The following FAT3 variants were observed in gnomAD, a reference collection of about 807,000 sequenced individuals.
FAT3 encodes protocadherin Fat 3.
FAT3 carries 95 observed loss-of-function variants against 310.2 expected under a neutral mutation model. The observed-to-expected ratio is 0.31, with a 90% CI of 0.26 to 0.36. FAT3 has a LOEUF of 0.36. Ranked by LOEUF, FAT3 falls within the 10% of genes least tolerant of loss-of-function variation. FAT3 has a pLI of 1.00. For synonymous variants in FAT3, 2,314 were observed against 2,192.9 expected (o/e 1.06, Z -1.54); for missense variants, 5,408 against 5,715.6 (o/e 0.95, Z 1.74).
At chr11:92,470,843 T>C (rs1951885407) in intron 2 of FAT3, among the ~76,000 whole-genome samples, 1 of 152,228 alleles carries the variant, frequency 6.6e-6, no homozygotes. Flanking sequence ...TCCCATTATT[T>C]TTATATGACG....
chr11:92,525,105 G>A (rs921054250), intron 3 of FAT3, among the ~76,000 whole-genome samples, 157 bp downstream of exon 3: 2 of 152,172 alleles, frequency 1.3e-5, no homozygotes, highest in Admixed American at 1.3e-4. Flanking sequence ...TTCTGCCTAT[G>A]TGGTATGTTT....
chr11:92,806,085 TC>T, intron 11 of FAT3, among the ~76,000 whole-genome samples: 1 of 152,312 alleles, frequency 6.6e-6, no homozygotes, highest in East Asian at 1.9e-4. Context: ...GTGGGGATGT[TC>T]CTCTGTTTTC....
intron 1 of FAT3, among the ~76,000 whole-genome samples, chr11:92,255,538 C>T (rs1013605330): frequency 2.6e-5 from 4 of 151,948 alleles, no homozygotes; most frequent in African/African-American, 7.3e-5. Context: ...TACATTTTCA[C>T]CAGTGGAGAG....
intron 3 of FAT3, among the ~76,000 whole-genome samples, chr11:92,694,044 C>T (rs1463140007): frequency 6.6e-6 from 1 of 152,170 alleles, no homozygotes; most frequent in African/African-American, 2.4e-5. Context: ...ATTTTTCTAA[C>T]AGCTTTATTA....
chr11:92,879,983 A>G (rs532452988), intron 22 of FAT3, among the ~76,000 whole-genome samples: 1 of 152,148 alleles, frequency 6.6e-6, no homozygotes, highest in African/African-American at 2.4e-5. Flanking sequence ...GGAAGAAAGA[A>G]CACCCTTACT....
intron 4 of FAT3, among the ~76,000 whole-genome samples, chr11:92,749,877 A>T (rs1045766244): frequency 6.6e-6 from 1 of 152,256 alleles, no homozygotes; most frequent in Non-Finnish European, 1.5e-5. Context: ...TTTTAAATCA[A>T]TCAGATCCAA....
intron 4 of FAT3, among the ~76,000 whole-genome samples, chr11:92,727,847 C>A (rs1002321061): frequency 2.6e-5 from 4 of 152,238 alleles, no homozygotes; most frequent in African/African-American, 9.6e-5. Context: ...CAGCTTGCAA[C>A]CCCCGTTGCC....
intron 4 of FAT3, among the ~76,000 whole-genome samples, chr11:92,710,337 T>C (rs1174655170): frequency 6.6e-6 from 1 of 152,172 alleles, no homozygotes; most frequent in Non-Finnish European, 1.5e-5. Flanking sequence ...ATGACTGAGA[T>C]TTTCTCTTCA....
intron 3 of FAT3, among the ~76,000 whole-genome samples, chr11:92,570,355 A>C (rs1955629192): frequency 1.3e-5 from 2 of 152,196 alleles, no homozygotes; most frequent in Non-Finnish European, 2.9e-5. Flanking sequence ...TTCTCATCAA[A>C]TGTCCAATGA....
At chr11:92,558,024 A>G (rs1955083261) in intron 3 of FAT3, among the ~76,000 whole-genome samples, 1 of 152,140 alleles carries the variant, frequency 6.6e-6, no homozygotes, top group Admixed American at 6.5e-5. Context: ...TATCACATTC[A>G]GGCATTTGCT....
intron 2 of FAT3, among the ~76,000 whole-genome samples, chr11:92,439,095 A>G (rs10830914): frequency 0.08 from 12,230 of 152,326 alleles, 710 homozygotes; most frequent in African/African-American, 0.16. Context: ...TTGCAAAAGC[A>G]TCAAGAATTT....
At chr11:92,547,456 G>A (rs1289449318) in intron 3 of FAT3, among the ~76,000 whole-genome samples, 1 of 152,174 alleles carries the variant, frequency 6.6e-6, no homozygotes, top group African/African-American at 2.4e-5. Flanking sequence ...TACGGCAAGT[G>A]TAAAACTGTA....
chr11:92,645,021 C>T (rs183704237), intron 3 of FAT3, among the ~76,000 whole-genome samples: 2 of 149,994 alleles, frequency 1.3e-5, no homozygotes, highest in African/African-American at 4.9e-5. Context: ...ACAGAGTGAG[C>T]CATTTTTTCC....
At position 92,768,801 on chromosome 11, in the gene FAT3, TAGGTAAATAC is replaced by T. The variant is rs1946387261; in HGVS notation, c.4195+3713_4195+3722del. ...CTCAGATATAAGTATGGGCCTTGCCTAGGTAAATACTCTATGACTCTTCCAAGGGAGTGAG... is the reference window on the plus strand; with the variant it reads ...CTCAGATATAAGTATGGGCCTTGCCTTCTATGACTCTTCCAAGGGAGTGAG... On this transcript the variant is annotated intron_variant, in intron 6 of 27. Transcript: ENST00000525166. Among the ~76,000 whole-genome samples the T allele has an allele frequency of 1.2e-4, 19 of 152,276 alleles. No homozygotes were observed. The South Asian group carries it at 3.9e-3, about 32-fold the overall frequency.
At chr11:92,804,643 C>A (rs769453176) in intron 10 of FAT3, among the ~76,000 whole-genome samples, 1 of 152,164 alleles carries the variant, frequency 6.6e-6, no homozygotes, top group Non-Finnish European at 1.5e-5. Flanking sequence ...GTCGTGAAAA[C>A]TTTTCTCCGC....
At chr11:92,363,932 A>G (rs1393229845) in intron 2 of FAT3, among the ~76,000 whole-genome samples, 1 of 152,212 alleles carries the variant, frequency 6.6e-6, no homozygotes, top group Admixed American at 6.5e-5. Flanking sequence ...GGAAAATAAT[A>G]AACAGCATGT....
At chr11:92,880,319 C>G (rs941185406) in intron 22 of FAT3, among the ~76,000 whole-genome samples, 1 of 130,610 alleles carries the variant, frequency 7.7e-6, no homozygotes, top group South Asian at 2.7e-4. Context: ...AGAAGGGGCA[C>G]ACGAGATAGG....
intron 1 of FAT3, among the ~76,000 whole-genome samples, chr11:92,238,950 C>T (rs1864551435): frequency 6.6e-6 from 1 of 152,040 alleles, no homozygotes; most frequent in South Asian, 2.1e-4. Context: ...GTAACTTTGC[C>T]ATTTGCAACT....
chr11:92,463,136 T>C (rs1232084552), intron 2 of FAT3, among the ~76,000 whole-genome samples: 1 of 152,238 alleles, frequency 6.6e-6, no homozygotes, highest in Non-Finnish European at 1.5e-5. Context: ...GCTTTGCTAT[T>C]ACCTTCACAG....
Sources: allele counts gnomAD v4.1 joint callset (sites outside exome capture counted in the v4.1 genomes callset), GRCh38; gene constraint gnomAD v4.1.1; transcripts MANE v1.5; gene names NCBI Gene and HGNC (gene_info 2026-07-23, HGNC 2026-07-21).